The following HDAC4 variants were observed in gnomAD, a reference collection of about 807,000 sequenced individuals.
The protein encoded by HDAC4 is histone deacetylase A.
In HDAC4, 16 loss-of-function variants were observed where a neutral mutation model predicts 135.1. The observed-to-expected ratio is 0.12, with a 90% CI of 0.08 to 0.18. The LOEUF is 0.18. HDAC4 is among the 10% of genes least tolerant of loss of function. The pLI is 1.00. For missense variants in HDAC4, 1,143 were observed against 1,511.8 expected, an observed-to-expected ratio of 0.76 and a Z score of 4.05; for synonymous variants, 685 against 653.4, an observed-to-expected ratio of 1.05 and a Z score of -0.74.
intron 3 of HDAC4, among the ~76,000 whole-genome samples, chr2:239,209,839 T>A (rs898675627): frequency 2.0e-5 from 3 of 151,994 alleles, no homozygotes; most frequent in Non-Finnish European, 2.9e-5. Context: ...AAGGTATGAA[T>A]GGGTTGGTCA....
At position 239,105,425 on chromosome 2, in the gene HDAC4, GA is replaced by G. The variant is rs571770911; in HGVS notation, c.2113-2530del. Among the ~76,000 whole-genome samples, 23 of 152,310 alleles carry G rather than the reference GA, an allele frequency of 1.5e-4. No individual in the cohort carries two copies. The South Asian group carries it at 4.8e-3, about 32-fold the overall frequency. On this transcript the variant is annotated intron_variant, in intron 15 of 26. Coordinates refer to ENST00000543185, the MANE Select transcript of HDAC4 (RefSeq NM_001378414.1). ...ACATGGCTATACTCAGAGGACCCCC[GA>G]CTGCTCAGAACGTGTGAGGCAGCTT...
rs560348876 is a variant in HDAC4, at chr2:239,252,928, C to T, written c.23-16264G>A. Among the ~76,000 whole-genome samples, 12 of 152,236 alleles carry T rather than the reference C, an allele frequency of 7.9e-5. No homozygotes were observed. In the East Asian group the frequency reaches 1.7e-3, roughly 22 times the overall value. ...TTCTCCGCCAGGAACGCACCACCTG[C>T]GCTTCGCCGGCCACCGGTTTTGCAA... is the stretch of plus-strand genomic sequence containing the variant. On this transcript the variant is annotated intron_variant, in intron 2 of 26. Coordinates refer to ENST00000543185, the MANE Select transcript of HDAC4 (RefSeq NM_001378414.1).
At chr2:239,086,323 C>T (rs548499790) in intron 19 of HDAC4, among the ~76,000 whole-genome samples, 309 of 138,198 alleles carry the variant, frequency 2.2e-3, no homozygotes, top group African/African-American at 7.8e-3. Context: ...CTCTAACACG[C>T]GGATCTGACT....
In HDAC4 at chr2:239,146,617, C is replaced by T. The variant is rs1424577571; in HGVS notation, c.734-1903G>A. ...CATCAGTCAGGCGGCAGATCCTCCA[C>T]AGCCCTGCCGGGCACTCCAGACTCT... is the stretch of plus-strand genomic sequence containing the variant. On this transcript the variant is annotated intron_variant, in intron 7 of 26. Transcript: ENST00000543185. The surrounding 1 kb of genome is among the most constrained non-coding windows in gnomAD (Gnocchi z 4.5). 2.0e-5 allele frequency among the ~76,000 whole-genome samples: 3 copies of T among 152,294 alleles called. No homozygotes were observed. The highest frequency in any genetic ancestry group is 1.3e-4 in the Admixed American group (2 of 15,304).
Position 239,052,848 on chromosome 2 carries a change from CGT to C in HDAC4, c.*247_*248del. The C allele has an allele frequency of 1.8e-6, 1 of 559,848 alleles. No individual in the cohort carries two copies. Among genetic ancestry groups the C allele is most frequent in the Non-Finnish European group, 3.2e-6 (1 of 311,380 alleles). 34.7% of individuals were successfully genotyped at this position (559,848 alleles called of 1,614,324 possible). ...AGAGTGTGCTTGGCTTCCGCGTGTC[CGT>C]GTGTCTGCGCGTCGCCGGCGTCTGT... is the stretch of plus-strand genomic sequence containing the variant. On this transcript the variant is annotated 3_prime_UTR_variant, in exon 27 of 27. Transcript: ENST00000543185.
chr2:239,115,781 C>T lies in HDAC4; in HGVS notation c.1534-471G>A, dbSNP rs1038805829. Among the ~76,000 whole-genome samples, 3 of 152,126 alleles carry T rather than the reference C, an allele frequency of 2.0e-5. No homozygotes were observed. The highest frequency in any genetic ancestry group is 6.5e-5 in the Admixed American group (1 of 15,284). On this transcript the variant is annotated intron_variant, in intron 12 of 26. Coordinates refer to ENST00000543185, the MANE Select transcript of HDAC4 (RefSeq NM_001378414.1). The surrounding 1 kb of genome is among the most constrained non-coding windows in gnomAD (Gnocchi z 6.3). ...TGCTCACTGCCCAATCCCACCAACA[C>T]GCCACGGCCTCCCCTCCTGCAGGAT...
intron 2 of HDAC4, among the ~76,000 whole-genome samples, chr2:239,280,477 G>A (rs1316618337): frequency 6.6e-6 from 1 of 152,196 alleles, no homozygotes; most frequent in Non-Finnish European, 1.5e-5. Context: ...GCGAGCCAGG[G>A]GCACAGAAGG....
At chr2:239,219,538 C>T (rs894180615) in intron 3 of HDAC4, among the ~76,000 whole-genome samples, 5 of 151,986 alleles carry the variant, frequency 3.3e-5, no homozygotes, top group Admixed American at 6.6e-5. Flanking sequence ...TTAATGGGTG[C>T]AGCACACCAG....
At chr2:239,362,380 T>C (rs1286949483) in intron 1 of HDAC4, among the ~76,000 whole-genome samples, 2 of 152,208 alleles carry the variant, frequency 1.3e-5, no homozygotes, top group Non-Finnish European at 1.5e-5. Flanking sequence ...TTTTGAAATT[T>C]TGGTTGACTT....
chr2:239,373,875 G>T (rs1264708392), intron 1 of HDAC4, among the ~76,000 whole-genome samples: 1 of 152,196 alleles, frequency 6.6e-6, no homozygotes. Flanking sequence ...GGTCCTTGAT[G>T]CCCCAATTGT....
chr2:239,063,450 C>T (rs535583565), intron 24 of HDAC4, among the ~76,000 whole-genome samples: 74 of 152,254 alleles, frequency 4.9e-4, no homozygotes, highest in Middle Eastern at 3.4e-3. Flanking sequence ...GTGATCCGCC[C>T]GCCTCGGCCT....
At chr2:239,113,822 C>T (rs758702290) in intron 13 of HDAC4, among the ~76,000 whole-genome samples, 2 of 152,138 alleles carry the variant, frequency 1.3e-5, no homozygotes, top group South Asian at 2.1e-4. Context: ...CAGAGAGGCC[C>T]GGGGCTTTCT....
chr2:239,128,312 G>A (rs2040334969), intron 11 of HDAC4, among the ~76,000 whole-genome samples: 1 of 83,186 alleles, frequency 1.2e-5, no homozygotes, highest in South Asian at 4.8e-4. Flanking sequence ...AGAGGCCGAG[G>A]TGGGTGGATC....
chr2:239,165,274 CACCCA>C (rs986939976), intron 5 of HDAC4, among the ~76,000 whole-genome samples: 5 of 152,138 alleles, frequency 3.3e-5, no homozygotes, highest in African/African-American at 9.7e-5. Flanking sequence ...CCCCCTGAAC[CACCCA>C]TCCACCTGCA....
intron 1 of HDAC4, among the ~76,000 whole-genome samples, chr2:239,384,616 C>G (rs1695658228): frequency 6.6e-6 from 1 of 152,028 alleles, no homozygotes; most frequent in South Asian, 2.1e-4. Flanking sequence ...GGCTCTATCT[C>G]AGAAAAAGGC....
At chr2:239,246,541 T>C (rs935153895) in intron 2 of HDAC4, among the ~76,000 whole-genome samples, 1 of 147,378 alleles carries the variant, frequency 6.8e-6, no homozygotes, top group Non-Finnish European at 1.5e-5. Flanking sequence ...GAGCAGGTGA[T>C]GGCCACGGCG....
intron 3 of HDAC4, among the ~76,000 whole-genome samples, chr2:239,221,912 C>CT (rs1200019354): frequency 6.6e-6 from 1 of 152,148 alleles, no homozygotes; most frequent in African/African-American, 2.4e-5. Context: ...ACTTAAAAGG[C>CT]TTTTTTTCTT....
At chr2:239,266,843 G>C (rs979905334) in intron 2 of HDAC4, among the ~76,000 whole-genome samples, 1 of 152,142 alleles carries the variant, frequency 6.6e-6, no homozygotes, top group African/African-American at 2.4e-5. Flanking sequence ...TAGCTCCTGG[G>C]ACTCCTGCTC....
chr2:239,096,454 G>A (rs115565594), intron 16 of HDAC4, among the ~76,000 whole-genome samples: 24,086 of 113,038 alleles, frequency 0.21, 2,809 homozygotes, highest in Admixed American at 0.32. Flanking sequence ...ACCCCACCAC[G>A]GATGACTGCA....
Sources: allele counts gnomAD v4.1 joint callset (sites outside exome capture counted in the v4.1 genomes callset), GRCh38; gene constraint gnomAD v4.1.1; non-coding constraint Gnocchi (gnomAD v3.1); transcripts MANE v1.5; gene names NCBI Gene and HGNC (gene_info 2026-07-23, HGNC 2026-07-21).